Variants in EEIG2 observed in about 807,000 individuals in gnomAD.
EEIG2 encodes family with sequence similarity 102 member B.
At chr1:108,568,622 T>A in the EEIG2 span, among the ~76,000 whole-genome samples, 5 of 152,200 alleles carry the variant, frequency 3.3e-5, no homozygotes, top group South Asian at 2.1e-4. Context: ...AAGGTATTTT[T>A]AAAAAATAAC....
At chr1:108,605,216 G>A in the EEIG2 span, among the ~76,000 whole-genome samples, 5 of 152,058 alleles carry the variant, frequency 3.3e-5, no homozygotes, top group African/African-American at 1.2e-4. Flanking sequence ...CAGAAACAAG[G>A]ATCATCTGGA....
chr1:108,629,982 T>C, the EEIG2 span: 1 of 303,920 alleles, frequency 3.3e-6, no homozygotes, highest in Non-Finnish European at 6.2e-6. Flanking sequence ...AAAACATTAA[T>C]TTTTTATTAA....
chr1:108,578,745 C>A, the EEIG2 span, among the ~76,000 whole-genome samples: 61 of 150,658 alleles, frequency 4.0e-4, no homozygotes, highest in African/African-American at 1.4e-3. Flanking sequence ...GATCTCTCGG[C>A]AGAAACCCTA....
the EEIG2 span, among the ~76,000 whole-genome samples, chr1:108,630,439 G>A: frequency 7.0e-5 from 10 of 142,022 alleles, no homozygotes; most frequent in African/African-American, 1.8e-4. Context: ...GTGCGGAAGC[G>A]GGGAGGGAAT....
the EEIG2 span, among the ~76,000 whole-genome samples, chr1:108,586,548 CCCT>C: frequency 2.6e-5 from 4 of 152,002 alleles, no homozygotes; most frequent in Non-Finnish European, 4.4e-5. Context: ...AAAATTTGTT[CCCT>C]CCTCTTTTTA....
the EEIG2 span, among the ~76,000 whole-genome samples, chr1:108,589,783 C>CTTTTTT: frequency 7.0e-5 from 6 of 85,138 alleles, no homozygotes; most frequent in Non-Finnish European, 1.1e-4. Flanking sequence ...GTCTTTTGTC[C>CTTTTTT]TTTTTTTTTT....
chr1:108,608,241 C>T, the EEIG2 span, among the ~76,000 whole-genome samples: 1 of 152,252 alleles, frequency 6.6e-6, no homozygotes, highest in Non-Finnish European at 1.5e-5. Context: ...ACTCATGTAT[C>T]GTTAAAGACT....
At chr1:108,612,223 A>C in the EEIG2 span, 1 of 1,613,802 alleles carries the variant, frequency 6.2e-7, no homozygotes, top group Non-Finnish European at 8.5e-7. Context: ...TGGATCAGGA[A>C]ATACCACTCG....
the EEIG2 span, among the ~76,000 whole-genome samples, chr1:108,632,848 G>C: frequency 6.6e-6 from 1 of 152,036 alleles, no homozygotes; most frequent in African/African-American, 2.4e-5. Flanking sequence ...CTGTCACCCA[G>C]GCTGGAGTGC....
At chr1:108,591,614 A>G in the EEIG2 span, among the ~76,000 whole-genome samples, 1 of 152,194 alleles carries the variant, frequency 6.6e-6, no homozygotes, top group Non-Finnish European at 1.5e-5. Flanking sequence ...GTCTTGGGAG[A>G]CTGAAGACTG....
At chr1:108,567,814 A>G in the EEIG2 span, among the ~76,000 whole-genome samples, 2 of 152,288 alleles carry the variant, frequency 1.3e-5, no homozygotes, top group East Asian at 3.9e-4. Flanking sequence ...CCTGGGCAAC[A>G]TAGTGAGACC....
the EEIG2 span, among the ~76,000 whole-genome samples, chr1:108,630,177 A>G: frequency 6.6e-6 from 1 of 152,186 alleles, no homozygotes; most frequent in Non-Finnish European, 1.5e-5. Context: ...AAGCAAAATT[A>G]CATTTTCAGT....
the EEIG2 span, chr1:108,636,694 A>G: frequency 6.6e-6 from 1 of 152,170 alleles, no homozygotes; most frequent in African/African-American, 2.4e-5. Flanking sequence ...GTTCTGAGTT[A>G]TACTTTTTAT....
At chr1:108,560,939 G>C in the EEIG2 span, among the ~76,000 whole-genome samples, 1 of 152,182 alleles carries the variant, frequency 6.6e-6, no homozygotes, top group East Asian at 1.9e-4. Context: ...GCCCAGCTCT[G>C]AACAGAAACC....
At chr1:108,578,653 T>G in the EEIG2 span, among the ~76,000 whole-genome samples, 14 of 151,940 alleles carry the variant, frequency 9.2e-5, no homozygotes, top group African/African-American at 3.4e-4. Flanking sequence ...TCACCGAAGT[T>G]GAAATGAAGG....
chr1:108,594,866 G>A, the EEIG2 span, among the ~76,000 whole-genome samples: 39 of 152,126 alleles, frequency 2.6e-4, no homozygotes, highest in African/African-American at 8.4e-4. Context: ...ATGCTGTGCT[G>A]AAGTTTCTTA....
chr1:108,566,521 C>A, the EEIG2 span, among the ~76,000 whole-genome samples: 2 of 152,140 alleles, frequency 1.3e-5, no homozygotes, highest in Non-Finnish European at 2.9e-5. Flanking sequence ...AGCAACCCCA[C>A]TTCTGGGTAT....
At chr1:108,594,417 G>A in the EEIG2 span, among the ~76,000 whole-genome samples, 1 of 152,268 alleles carries the variant, frequency 6.6e-6, no homozygotes, top group South Asian at 2.1e-4. Flanking sequence ...AAAAGTAACT[G>A]GGAGGTGAGG....
the EEIG2 span, among the ~76,000 whole-genome samples, chr1:108,615,520 A>G: frequency 6.7e-6 from 1 of 150,104 alleles, no homozygotes; most frequent in Admixed American, 6.6e-5. Flanking sequence ...CACACCTATA[A>G]TCCTAGCACT....
Sources: gnomAD v4.1 joint callset for allele counts (sites outside exome capture counted in the v4.1 genomes callset) on GRCh38, gnomAD v4.1.1 for gene constraint, MANE v1.5 for transcripts, NCBI Gene and HGNC (gene_info 2026-07-23, HGNC 2026-07-21) for gene names.